NPHS1: variants seen among roughly 807,000 people sequenced by gnomAD.
NPHS1 encodes the protein NPHS1 adhesion molecule, nephrin.
Under a neutral mutation model 139.7 loss-of-function variants are expected in NPHS1, and 107 were observed. The observed-to-expected ratio is 0.77, with a 90% CI of 0.66 to 0.90. NPHS1 has a LOEUF of 0.90. Ranked by LOEUF, NPHS1 falls within the 40% of genes least tolerant of loss-of-function variation. The pLI is 0.00. For missense variants in NPHS1, 1,580 were observed against 1,654.2 expected (o/e 0.96, Z 0.78); for synonymous variants, 707 against 706.6 (o/e 1.00, Z -0.01).
In NPHS1 at chr19:35,848,542, G is replaced by GC. The variant is rs968200114; in HGVS notation, c.1170+94dup. 4 of 1,580,556 alleles carry GC rather than the reference G, an allele frequency of 2.5e-6. No individual in the cohort carries two copies. The African/African-American group carries it at 4.0e-5, about 16-fold the overall frequency. The stretch of plus-strand genomic sequence containing the variant: ...TGGACCCATGGTCCTCAAGGAGAAA[G>GC]CCCCCCAGGCTGCTGGACCCACCCC... On this transcript the variant is annotated intron_variant, in intron 9 of 28. Coordinates refer to ENST00000378910, the MANE Select transcript of NPHS1 (RefSeq NM_004646.4).
chr19:35,844,334 A>G lies in NPHS1; in HGVS notation c.2056T>C (p.Tyr686His). 6.2e-7 allele frequency: 1 copy of G among 1,613,930 alleles called. No individual in the cohort carries two copies. The highest frequency in any genetic ancestry group is 1.1e-5 in the South Asian group (1 of 91,062). Reference protein sequence around the residue: ...PEAFNWTFRGYRLSPAGGPRH... With the variant: ...PEAFNWTFRGHRLSPAGGPRH... ...CTTCCCTCACCTGGACTGAGGCGAT[A>G]GCCGCGGAAGGTCCAGTTGAAGGCC... Residue 686 changes from tyrosine (Y) to histidine (H), a missense_variant, in exon 15 of 29, where the codon TAT becomes CAT. By Grantham distance (83) the Tyr-to-His change is moderately conservative. Transcript: ENST00000378910.
Position 35,849,093 on chromosome 19 carries a change from G to A in NPHS1, c.895C>T (p.Arg299Cys), listed in dbSNP as rs753476209. ...CTCACGGTCATCACCAGCACACTGC[G>A]GGCCACCGCCTGGGTGTGCTCTGTG... ...WGTEHTQAVA[R>C]SVLVMTVRPE... The change falls in exon 8 of 29, where the codon CGC becomes TGC. Residue 299 changes from arginine (R) to cysteine (C), a missense_variant. Physicochemically the swap from Arg to Cys is radical, Grantham distance 180. Transcript: ENST00000378910. 9.3e-6 allele frequency: 15 copies of A among 1,609,594 alleles called. No individual in the cohort carries two copies. Among genetic ancestry groups the A allele is most frequent in the South Asian group, 5.5e-5 (5 of 91,080 alleles).
At chr19:35,836,898 A>C (rs1344303078) in intron 22 of NPHS1, among the ~76,000 whole-genome samples, 1 of 151,616 alleles carries the variant, frequency 6.6e-6, no homozygotes, top group Non-Finnish European at 1.5e-5. Flanking sequence ...TGGAAGGCTA[A>C]GGCAGGAGAA....
intron 16 of NPHS1, 120 bp from the exon 17 acceptor site, chr19:35,843,713 C>T: frequency 1.5e-6 from 2 of 1,307,324 alleles, no homozygotes; most frequent in Non-Finnish European, 2.2e-6. Flanking sequence ...TGGACACAAT[C>T]TGCCCTTAAT....
At position 35,848,182 on chromosome 19, in the gene NPHS1, G is replaced by A. The variant is rs749798377; in HGVS notation, c.1316-17C>T. On this transcript the variant is annotated splice_polypyrimidine_tract_variant and intron_variant, in intron 10 of 28. Coordinates refer to ENST00000378910, the MANE Select transcript of NPHS1 (RefSeq NM_004646.4). The stretch of plus-strand genomic sequence containing the variant: ...GGGCGGGATCTGGCGGGGAGAGGAA[G>A]GAAGAATGACTTTTTCTCTGTGCTG... 6.2e-7 allele frequency: 1 copy of A among 1,614,080 alleles called. No homozygotes were observed. Among genetic ancestry groups the A allele is most frequent in the Non-Finnish European group, 8.5e-7 (1 of 1,180,032 alleles).
intron 5 of NPHS1, among the ~76,000 whole-genome samples, chr19:35,849,911 GTTTA>G (rs1223878039): frequency 5.3e-5 from 8 of 152,108 alleles, no homozygotes; most frequent in Admixed American, 3.9e-4. Flanking sequence ...TTTTTTGTTT[GTTTA>G]TTTGTTTGTT....
At position 35,831,502 on chromosome 19, in the gene NPHS1, T is replaced by G. The variant is rs758432802; in HGVS notation, c.3287-2A>C. 1 of 1,613,628 alleles carries G rather than the reference T, an allele frequency of 6.2e-7. No individual in the cohort carries two copies. The highest frequency in any genetic ancestry group is 1.7e-5 in the Admixed American group (1 of 59,970). ...CTGCCTCTGTCTTCTCTGAGATGCCTGAAGGAAACAGGAATAAAGGGCTCA... is the reference window on the plus strand; with the variant it reads ...CTGCCTCTGTCTTCTCTGAGATGCCGGAAGGAAACAGGAATAAAGGGCTCA... On this transcript the variant is annotated splice_acceptor_variant, in intron 24 of 28. Coordinates refer to ENST00000378910, the MANE Select transcript of NPHS1 (RefSeq NM_004646.4). LOFTEE classifies it high-confidence loss of function.
At position 35,842,445 on chromosome 19, in the gene NPHS1, A is replaced by T; in HGVS notation, c.2440T>A (p.Tyr814Asn). The T allele has an allele frequency of 6.2e-7, 1 of 1,614,150 alleles. No homozygotes were observed. The highest frequency in any genetic ancestry group is 8.5e-7 in the Non-Finnish European group (1 of 1,180,020). The part of the protein sequence containing the change: ...HHAKLAQAGA[Y>N]QCIVDNGVAP... ...ACCCCATTGTCCACAATGCACTGGT[A>T]AGCGCCAGCCTGGGCCAGTTTGGCA... is the stretch of plus-strand genomic sequence containing the variant. Residue 814 changes from tyrosine to asparagine, a missense_variant, in exon 18 of 29, where the codon TAC becomes AAC. Transcript: ENST00000378910.
At chr19:35,844,594 T>C (rs1467134844) in intron 14 of NPHS1, 135 bp from the exon 15 acceptor site, 6 of 901,436 alleles carry the variant, frequency 6.7e-6, no homozygotes, top group South Asian at 3.2e-5. Context: ...AGGTAACAAG[T>C]TCAGAGCTAA....
In NPHS1 at chr19:35,831,775, G is replaced by A. The variant is rs1355561711; in HGVS notation, c.3167-13C>T. 1 of 1,558,170 alleles carries A rather than the reference G, an allele frequency of 6.4e-7. No homozygotes were observed. Among genetic ancestry groups the A allele is most frequent in the African/African-American group, 1.4e-5 (1 of 73,298 alleles). The stretch of plus-strand genomic sequence containing the variant: ...AGCCCCGAGGGTCCTAGGGGTGGAA[G>A]ATACCCCTCAGTGAATCCCAGACAA... On this transcript the variant is annotated splice_polypyrimidine_tract_variant and intron_variant, in intron 23 of 28. Transcript: ENST00000378910.
At chr19:35,843,104 C>T (rs1568453554) in intron 17 of NPHS1, among the ~76,000 whole-genome samples, 1 of 152,074 alleles carries the variant, frequency 6.6e-6, no homozygotes, top group African/African-American at 2.4e-5. Context: ...TGTATCCGTC[C>T]ATCATCTACC....
intron 23 of NPHS1, among the ~76,000 whole-genome samples, chr19:35,835,293 CTTTTT>C (rs34868479): frequency 2.4e-4 from 9 of 38,096 alleles, no homozygotes; most frequent in African/African-American, 6.6e-4. Flanking sequence ...AGAACTAAGT[CTTTTT>C]TTTTTTTTTT....
At chr19:35,837,498 A>G (rs372127975) in intron 22 of NPHS1, among the ~76,000 whole-genome samples, 22 of 151,408 alleles carry the variant, frequency 1.5e-4, no homozygotes, top group African/African-American at 5.1e-4. Context: ...TCTGTTTTCT[A>G]ATTCATTCAT....
At chr19:35,830,777 A>G in intron 28 of NPHS1, 67 bp downstream of exon 28, 1 of 991,288 alleles carries the variant, frequency 1.0e-6, no homozygotes. Context: ...CCTAACTAAT[A>G]CAAGCAATAG....
At chr19:35,831,444 A>G in intron 25 of NPHS1, 32 bp downstream of exon 25, 2 of 1,613,378 alleles carry the variant, frequency 1.2e-6, no homozygotes. Flanking sequence ...CCTCCCTCAG[A>G]GCCTTCTTTA....
chr19:35,835,151 G>A (rs1972938741), intron 23 of NPHS1, among the ~76,000 whole-genome samples: 1 of 123,064 alleles, frequency 8.1e-6, no homozygotes, highest in East Asian at 2.5e-4. Context: ...AGTGAGCCAA[G>A]ATTTTGCCAC....
At chr19:35,829,026 T>C (rs1336391261) in intron 28 of NPHS1, among the ~76,000 whole-genome samples, 3 of 152,206 alleles carry the variant, frequency 2.0e-5, no homozygotes, top group Non-Finnish European at 4.4e-5. Context: ...TCTCCCTAAC[T>C]GTGCAGCAAT....
At chr19:35,843,881 T>A in intron 16 of NPHS1, 1 of 689,292 alleles carries the variant, frequency 1.5e-6, no homozygotes, top group Non-Finnish European at 2.4e-6. Flanking sequence ...GCAGCTTCCG[T>A]GTCTAGGCGG....
Position 35,839,532 on chromosome 19 carries a change from C to A in NPHS1, c.2891G>T (p.Gly964Val), listed in dbSNP as rs1973024118. The change falls in exon 21 of 29, where the codon GGC becomes GTC. Residue 964 changes from glycine (G) to valine (V), a missense_variant. By Grantham distance (109) the Gly-to-Val change is moderately radical (BLOSUM62 -3). Coordinates refer to ENST00000378910, the MANE Select transcript of NPHS1 (RefSeq NM_004646.4). Reference sequence around the variant, plus strand: ...CCTCTGTGGCAGGCCCCCATCAAAGCCAGGCTTCCACTCCAGCCCCACGGA... The same window carrying A: ...CCTCTGTGGCAGGCCCCCATCAAAGACAGGCTTCCACTCCAGCCCCACGGA... ...PHSVGLEWKP[G>V]FDGGLPQRFC... 6.2e-7 allele frequency: 1 copy of A among 1,614,170 alleles called. No individual in the cohort carries two copies. The highest frequency in any genetic ancestry group is 8.5e-7 in the Non-Finnish European group (1 of 1,180,032).
Sources: allele counts gnomAD v4.1 joint callset (sites outside exome capture counted in the v4.1 genomes callset), GRCh38; gene constraint gnomAD v4.1.1; transcripts MANE v1.5; gene names NCBI Gene and HGNC (gene_info 2026-07-23, HGNC 2026-07-21).